Variants in RAP1GAP2 observed in about 807,000 individuals in gnomAD.
RAP1GAP2 encodes RAP1 GTPase activating protein 2, also known as rap1 GTPase-activating protein 2.
RAP1GAP2 carries 27 observed loss-of-function variants against 95.0 expected under a neutral mutation model. The observed-to-expected ratio is 0.28, with a 90% confidence interval of 0.21 to 0.39. The LOEUF (loss-of-function observed/expected upper bound fraction) is 0.39. RAP1GAP2 is among the 10% of genes least tolerant of loss of function. The pLI is 1.00. For synonymous variants in RAP1GAP2, 373 were observed against 380.9 expected (o/e 0.98, Z 0.24); for missense variants, 771 against 970.0 (o/e 0.79, Z 2.72).
Position 2,963,755 on chromosome 17 carries a change from C to T in RAP1GAP2, c.280-101C>T. ...CTTTGGCCTCAAGTACCAGTGGGTA[C>T]CAGGCCCCACTCCTGGGAGCAGCGC... is the stretch of plus-strand genomic sequence containing the variant. On this transcript the variant is annotated intron_variant, in intron 6 of 24. Coordinates refer to ENST00000254695, the MANE Select transcript of RAP1GAP2 (RefSeq NM_015085.5). This position sits in a 1 kb window ranked among gnomAD's most constrained non-coding sequence, Gnocchi z 4.8. The T allele has an allele frequency of 4.6e-6, 5 of 1,097,364 alleles. No individual in the cohort carries two copies. The highest frequency in any genetic ancestry group is 6.5e-6 in the Non-Finnish European group (5 of 773,250). 68.0% of individuals were successfully genotyped at this position (1,097,364 alleles called of 1,614,324 possible).
intron 8 of RAP1GAP2, among the ~76,000 whole-genome samples, chr17:2,978,760 C>T (rs1357526786): frequency 2.0e-5 from 3 of 151,950 alleles, no homozygotes; most frequent in Admixed American, 1.3e-4. Context: ...ATAGTGAAAC[C>T]CTGTCTCTAC....
rs528752014 is a variant in RAP1GAP2 at position 2,942,895 on chromosome 17, G to C, written c.166-14864G>C. On this transcript the variant is annotated intron_variant, in intron 3 of 24. Transcript: ENST00000254695. ...CGATTCTCCTGCCTTAGCCTCCTGA[G>C]TAGCTGGGATGACAGGCACTCACCA... Among the ~76,000 whole-genome samples, 3 of 152,206 alleles carry C rather than the reference G, an allele frequency of 2.0e-5. No homozygotes were observed. The South Asian group carries it at 6.2e-4, about 32-fold the overall frequency.
At chr17:2,784,378 C>G (rs2068726623) in intron 1 of RAP1GAP2, among the ~76,000 whole-genome samples, 1 of 152,156 alleles carries the variant, frequency 6.6e-6, no homozygotes, top group Non-Finnish European at 1.5e-5. Flanking sequence ...TCAAGCGATT[C>G]TCCTGCCTCA....
intron 1 of RAP1GAP2, among the ~76,000 whole-genome samples, chr17:2,760,489 T>C (rs976424563): frequency 1.5e-4 from 22 of 150,776 alleles, no homozygotes; most frequent in Admixed American, 6.6e-5. Flanking sequence ...TACAGGTGTG[T>C]GCCACCACAC....
intron 2 of RAP1GAP2, among the ~76,000 whole-genome samples, chr17:2,847,242 C>T (rs528072223): frequency 2.0e-5 from 3 of 152,234 alleles, no homozygotes; most frequent in East Asian, 1.9e-4. Flanking sequence ...CTCCTGACCT[C>T]GTGATCCACC....
At chr17:2,937,709 C>T (rs1429583585) in intron 3 of RAP1GAP2, among the ~76,000 whole-genome samples, 1 of 152,174 alleles carries the variant, frequency 6.6e-6, no homozygotes, top group African/African-American at 2.4e-5. Flanking sequence ...TTGGAAGGAA[C>T]ATTGCCAGGC....
intron 3 of RAP1GAP2, among the ~76,000 whole-genome samples, chr17:2,948,919 G>A (rs1048020142): frequency 2.6e-5 from 4 of 152,292 alleles, no homozygotes; most frequent in Middle Eastern, 3.4e-3. Context: ...CACCCGAACC[G>A]GCAAGTAGGG....
rs1055723070 is a variant in RAP1GAP2 at position 3,005,573 on chromosome 17, C to A, written c.1272+133C>A. The A allele has an allele frequency of 2.6e-5, 27 of 1,045,312 alleles. No individual in the cohort carries two copies. The Admixed American group carries it at 2.6e-4, about 10-fold the overall frequency. The allele number at this position is 1,045,312 out of a possible 1,614,324, so 64.8% of individuals were successfully genotyped here. On this transcript the variant is annotated intron_variant, in intron 15 of 24. Coordinates refer to ENST00000254695, the MANE Select transcript of RAP1GAP2 (RefSeq NM_015085.5). This position sits in a 1 kb window ranked among gnomAD's most constrained non-coding sequence, Gnocchi z 5.2. ...CTCCTTTTGCAGGTTTTGGGGGGAA[C>A]CTCCTTTCTTGGGGTCTCTCCCCAC... is the stretch of plus-strand genomic sequence containing the variant.
chr17:2,927,329 A>G (rs905817156), intron 3 of RAP1GAP2, among the ~76,000 whole-genome samples: 25 of 150,530 alleles, frequency 1.7e-4, no homozygotes, highest in South Asian at 1.5e-3. Context: ...AATTTTTTGT[A>G]TTTTTAGTAG....
intron 3 of RAP1GAP2, among the ~76,000 whole-genome samples, chr17:2,944,713 T>C (rs2043641996): frequency 6.6e-6 from 1 of 152,188 alleles, no homozygotes; most frequent in South Asian, 2.1e-4. Context: ...GGTAGATCAC[T>C]TTGAATGGTA....
chr17:2,978,558 A>G lies in RAP1GAP2; in HGVS notation c.597-1729A>G, dbSNP rs148731251. Among the ~76,000 whole-genome samples, 576 of 152,304 alleles carry G rather than the reference A, an allele frequency of 3.8e-3. 4 individuals are homozygous for G. Among genetic ancestry groups the G allele is most frequent in the Non-Finnish European group, 6.3e-3 (426 of 68,022 alleles). Reference sequence around the variant, plus strand: ...GAATTATTTCTGGAATTTTCCATGTAATATTTTTTTGGCCGTGGTTGACTG... The same window carrying G: ...GAATTATTTCTGGAATTTTCCATGTGATATTTTTTTGGCCGTGGTTGACTG... On this transcript the variant is annotated intron_variant, in intron 8 of 24. Transcript: ENST00000254695.
chr17:2,822,661 G>T (rs2070360670), intron 2 of RAP1GAP2, among the ~76,000 whole-genome samples: 1 of 147,544 alleles, frequency 6.8e-6, no homozygotes, highest in African/African-American at 2.5e-5. Context: ...AAGAAAAGGT[G>T]GCTCACGCCT....
chr17:2,911,066 C>T (rs895813192), intron 3 of RAP1GAP2, among the ~76,000 whole-genome samples: 11 of 152,192 alleles, frequency 7.2e-5, no homozygotes, highest in African/African-American at 2.4e-4. Context: ...CATGCTTGCT[C>T]ATCTCACGCT....
intron 2 of RAP1GAP2, among the ~76,000 whole-genome samples, chr17:2,896,907 A>G (rs1567754251): frequency 6.6e-6 from 1 of 152,194 alleles, no homozygotes; most frequent in Non-Finnish European, 1.5e-5. Context: ...TGTAGCCTGC[A>G]GCAGAGACTC....
intron 1 of RAP1GAP2, among the ~76,000 whole-genome samples, chr17:2,799,301 C>T (rs777787560): frequency 1.2e-4 from 18 of 152,110 alleles, no homozygotes; most frequent in African/African-American, 2.2e-4. Flanking sequence ...CTCAAGAGGA[C>T]GTGTGAGGAA....
intron 2 of RAP1GAP2, among the ~76,000 whole-genome samples, chr17:2,880,618 A>G (rs2073249236): frequency 6.6e-6 from 1 of 151,968 alleles, no homozygotes; most frequent in South Asian, 2.1e-4. Flanking sequence ...AACTGTATCC[A>G]TTAGCCGTCA....
At chr17:2,988,523 C>G (rs1441275092) in intron 11 of RAP1GAP2, among the ~76,000 whole-genome samples, 1 of 152,184 alleles carries the variant, frequency 6.6e-6, no homozygotes, top group African/African-American at 2.4e-5. Context: ...CAAGATTAAT[C>G]CAAGTTCTTG....
intron 2 of RAP1GAP2, among the ~76,000 whole-genome samples, chr17:2,801,958 C>T (rs541742389): frequency 6.6e-6 from 1 of 152,252 alleles, no homozygotes; most frequent in Non-Finnish European, 1.5e-5. Context: ...CCAGCTGCAC[C>T]CCTCCCATGA....
intron 2 of RAP1GAP2, among the ~76,000 whole-genome samples, chr17:2,889,889 A>ATATTTTTT (rs1408426152): frequency 7.0e-4 from 40 of 57,296 alleles, no homozygotes; most frequent in East Asian, 1.9e-3. Context: ...ATATATATAT[A>ATATTTTTT]TTTTTTTTTT....
Sources: gnomAD v4.1 joint callset for allele counts (sites outside exome capture counted in the v4.1 genomes callset) on GRCh38, gnomAD v4.1.1 for gene constraint, Gnocchi (gnomAD v3.1) non-coding constraint, MANE v1.5 for transcripts, NCBI Gene and HGNC (gene_info 2026-07-23, HGNC 2026-07-21) for gene names.